The following PTPRG variants were observed in gnomAD, a reference collection of about 807,000 sequenced individuals.
PTPRG encodes receptor-type tyrosine-protein phosphatase gamma.
Under a neutral mutation model 165.3 loss-of-function variants are expected in PTPRG, and 102 were observed. The ratio of observed to expected loss-of-function variants is 0.62; its 90% confidence interval spans 0.53 to 0.73. The LOEUF is 0.73. Among genes scored for constraint, PTPRG ranks in the 30% least tolerant of loss-of-function variants. The pLI, the probability that PTPRG is intolerant of heterozygous loss-of-function variation, is 0.00. For synonymous variants in PTPRG, 675 were observed against 669.5 expected (o/e 1.01, Z -0.13); for missense variants, 1,866 against 1,861.4 (o/e 1.00, Z -0.05).
chr3:61,764,557 T>A (rs1559599438), intron 2 of PTPRG, among the ~76,000 whole-genome samples: 1 of 152,048 alleles, frequency 6.6e-6, no homozygotes, highest in Non-Finnish European at 1.5e-5. Flanking sequence ...GGGAGAGAGT[T>A]GTTATTTTAG....
chr3:61,843,962 CT>C (rs1323106177), intron 2 of PTPRG, among the ~76,000 whole-genome samples: 1 of 121,934 alleles, frequency 8.2e-6, no homozygotes, highest in Middle Eastern at 4.5e-3. Context: ...CATTTTACAA[CT>C]CTTTTTTTTT....
chr3:61,947,482 A>G (rs1188024366), intron 2 of PTPRG, among the ~76,000 whole-genome samples: 1 of 152,206 alleles, frequency 6.6e-6, no homozygotes, highest in African/African-American at 2.4e-5. Flanking sequence ...TCAGTGATAT[A>G]TAGGAAATCT....
chr3:61,859,910 T>G (rs1020949034), intron 2 of PTPRG, among the ~76,000 whole-genome samples: 2 of 152,226 alleles, frequency 1.3e-5, no homozygotes, highest in African/African-American at 2.4e-5. Context: ...ATATAATCCA[T>G]GGCACATAGA....
rs1009536957 is a variant in PTPRG, at chr3:62,181,239, C to T, written c.1034-10230C>T. 5.3e-5 allele frequency among the ~76,000 whole-genome samples: 8 copies of T among 152,282 alleles called. No individual in the cohort carries two copies. The South Asian group carries it at 1.5e-3, about 28-fold the overall frequency. ...AGGGTCCCACATCGGAAGAAGGTGG[C>T]GGGCTAGCCAGCAAATTCTGGCCTC... is the stretch of plus-strand genomic sequence containing the variant. On this transcript the variant is annotated intron_variant, in intron 8 of 29. Transcript: ENST00000474889.
At chr3:61,981,996 T>G (rs2040653249) in intron 2 of PTPRG, among the ~76,000 whole-genome samples, 1 of 152,208 alleles carries the variant, frequency 6.6e-6, no homozygotes, top group South Asian at 2.1e-4. Context: ...CTTGTTAGCC[T>G]TGAACTAGAA....
intron 2 of PTPRG, among the ~76,000 whole-genome samples, chr3:61,892,722 A>G (rs996655029): frequency 2.6e-5 from 4 of 152,164 alleles, no homozygotes; most frequent in Middle Eastern, 3.4e-3. Flanking sequence ...AGGCTGAGGC[A>G]GGAGAATCGC....
chr3:61,655,178 C>G (rs1407157680), intron 1 of PTPRG, among the ~76,000 whole-genome samples: 2 of 152,130 alleles, frequency 1.3e-5, no homozygotes, highest in African/African-American at 4.8e-5. Context: ...GTCGCCGAGT[C>G]CCCTGCCAGA....
intron 5 of PTPRG, among the ~76,000 whole-genome samples, chr3:62,098,955 A>G (rs570956609): frequency 6.6e-6 from 1 of 152,220 alleles, no homozygotes; most frequent in Non-Finnish European, 1.5e-5. Flanking sequence ...AACAAAAGGC[A>G]TATCGTAGTG....
chr3:61,957,845 T>C (rs2040068720), intron 2 of PTPRG, among the ~76,000 whole-genome samples: 1 of 152,178 alleles, frequency 6.6e-6, no homozygotes, highest in South Asian at 2.1e-4. Flanking sequence ...AGAGAGGGGC[T>C]TTTGGGCTGA....
intron 1 of PTPRG, among the ~76,000 whole-genome samples, chr3:61,746,095 CTGGAGTGGAG>C (rs1214866816): frequency 2.0e-5 from 3 of 147,474 alleles, no homozygotes; most frequent in African/African-American, 7.5e-5. Context: ...GTTGCCCAGG[CTGGAGTGGAG>C]TGGCACAATC....
At chr3:61,812,090 A>G (rs948805925) in intron 2 of PTPRG, among the ~76,000 whole-genome samples, 1 of 152,226 alleles carries the variant, frequency 6.6e-6, no homozygotes, top group Non-Finnish European at 1.5e-5. Flanking sequence ...TAGAACTGCT[A>G]GGATATAAAC....
At chr3:62,140,205 G>A (rs1290087617) in intron 6 of PTPRG, among the ~76,000 whole-genome samples, 2 of 152,176 alleles carry the variant, frequency 1.3e-5, no homozygotes. Flanking sequence ...AGCCCCTTAA[G>A]AAGACCATGT....
At position 62,271,407 on chromosome 3, in the gene PTPRG, C is replaced by G; in HGVS notation, c.3034C>G (p.Arg1012Gly). 1 of 1,608,228 alleles carries G rather than the reference C, an allele frequency of 6.2e-7. No homozygotes were observed. The highest frequency in any genetic ancestry group is 8.5e-7 in the Non-Finnish European group (1 of 1,177,524). ...GGGTCAGAAGGGAAATCCCAAGGGTCGTCAGAATGAAAGGGTAGTGATCCA... is the reference window on the plus strand; with the variant it reads ...GGGTCAGAAGGGAAATCCCAAGGGTGGTCAGAATGAAAGGGTAGTGATCCA... ...KKGQKGNPKGRQNERVVIQYH... is the reference protein window; with the variant it reads ...KKGQKGNPKGGQNERVVIQYH... The change falls in exon 21 of 30, where the codon CGT becomes GGT. Residue 1012 changes from arginine to glycine, a missense_variant. Arg to Gly is a moderately radical substitution (Grantham distance 125). Around this residue, in one of 3 missense-constraint regions of PTPRG, gnomAD observed 1,452 missense variants for 1,463.0 expected, o/e 0.99. Transcript: ENST00000474889. This position sits in a 1 kb window ranked among gnomAD's most constrained non-coding sequence, Gnocchi z 4.1.
At chr3:62,258,715 C>A (rs1419008534) in intron 16 of PTPRG, among the ~76,000 whole-genome samples, 1 of 152,184 alleles carries the variant, frequency 6.6e-6, no homozygotes, top group African/African-American at 2.4e-5. Context: ...TGAAAAGCAA[C>A]ATCATACAGT....
At chr3:61,662,947 G>A (rs913452548) in intron 1 of PTPRG, among the ~76,000 whole-genome samples, 1 of 152,164 alleles carries the variant, frequency 6.6e-6, no homozygotes, top group African/African-American at 2.4e-5. Flanking sequence ...GGTTCAAGTC[G>A]AGTAGCTTCC....
chr3:61,802,517 G>A (rs2035280634), intron 2 of PTPRG, among the ~76,000 whole-genome samples: 1 of 152,208 alleles, frequency 6.6e-6, no homozygotes. Flanking sequence ...GGTTTCTTAG[G>A]TAAAGTTGGC....
chr3:61,616,822 C>T (rs1225194583), intron 1 of PTPRG, among the ~76,000 whole-genome samples: 2 of 152,180 alleles, frequency 1.3e-5, no homozygotes, highest in Non-Finnish European at 2.9e-5. Context: ...TGCCCCACCC[C>T]AGCTCTGCAC....
chr3:62,015,659 G>C (rs1269570872), intron 4 of PTPRG, among the ~76,000 whole-genome samples: 1 of 152,116 alleles, frequency 6.6e-6, no homozygotes, highest in Non-Finnish European at 1.5e-5. Flanking sequence ...TTATGTTTTA[G>C]AAGGATCCGT....
At position 62,203,249 on chromosome 3, in the gene PTPRG, T is replaced by A. The variant is rs760447015; in HGVS notation, c.1454T>A (p.Ile485Asn). The A allele has an allele frequency of 1.2e-6, 2 of 1,613,882 alleles. No individual in the cohort carries two copies. Among genetic ancestry groups the A allele is most frequent in the Non-Finnish European group, 1.7e-6 (2 of 1,179,978 alleles). Residue 485 changes from isoleucine to asparagine, a missense_variant, in exon 12 of 30, where the codon ATC (isoleucine) becomes AAC (asparagine). Coordinates refer to ENST00000474889, the MANE Select transcript of PTPRG (RefSeq NM_002841.4). The surrounding 1 kb of genome is among the most constrained non-coding windows in gnomAD (Gnocchi z 6.4). Reference sequence around the variant, plus strand: ...TCTTCTACCTGGACGTCCTCTGGCATCCCATTCTCATTTGTTTCCATGGCA... The same window carrying A: ...TCTTCTACCTGGACGTCCTCTGGCAACCCATTCTCATTTGTTTCCATGGCA... ...SGSSTWTSSGIPFSFVSMATG... is the reference protein window; with the variant it reads ...SGSSTWTSSGNPFSFVSMATG...
Sources: allele counts gnomAD v4.1 joint callset (sites outside exome capture counted in the v4.1 genomes callset), GRCh38; gene constraint gnomAD v4.1.1; regional missense constraint gnomAD v4.1.1; non-coding constraint Gnocchi (gnomAD v3.1); transcripts MANE v1.5; gene names NCBI Gene and HGNC (gene_info 2026-07-23, HGNC 2026-07-21).